The following CTBP2 variants were observed in gnomAD, a reference collection of about 807,000 sequenced individuals.
The protein encoded by CTBP2 is C-terminal-binding protein 2.
In CTBP2, 30 loss-of-function variants were observed where a neutral mutation model predicts 80.3. The observed-to-expected ratio is 0.37, with a 90% confidence interval of 0.28 to 0.51. The LOEUF is 0.51. Ranked by LOEUF, CTBP2 falls within the 20% of genes least tolerant of loss-of-function variation. CTBP2 has a pLI of 0.93. For missense variants in CTBP2, 1,212 were observed against 1,375.3 expected, an observed-to-expected ratio of 0.88 and a Z score of 1.88; for synonymous variants, 594 against 587.4, an observed-to-expected ratio of 1.01 and a Z score of -0.16.
chr10:125,090,456 T>TA (rs113744620), intron 2 of CTBP2, among the ~76,000 whole-genome samples: 10,684 of 134,484 alleles, frequency 0.079, 504 homozygotes, highest in Middle Eastern at 0.15. Flanking sequence ...AATGGTTATT[T>TA]AAAAAAAAAA....
At chr10:125,106,721 G>A (rs919467148) in intron 2 of CTBP2, among the ~76,000 whole-genome samples, 7 of 152,204 alleles carry the variant, frequency 4.6e-5, no homozygotes, top group African/African-American at 1.7e-4. Context: ...CACCCAGGCC[G>A]GCCACACAGT....
At chr10:125,144,648 G>A (rs1858427041) in intron 1 of CTBP2, among the ~76,000 whole-genome samples, 1 of 152,138 alleles carries the variant, frequency 6.6e-6, no homozygotes, top group Non-Finnish European at 1.5e-5. Context: ...AGGGCCTCGG[G>A]GGCGCTCCTG....
At chr10:124,990,639 G>A (rs1952484390) in intron 8 of CTBP2, among the ~76,000 whole-genome samples, 1 of 152,194 alleles carries the variant, frequency 6.6e-6, no homozygotes, top group South Asian at 2.1e-4. Flanking sequence ...TGGACCCTTA[G>A]GGACTCAATG....
intron 2 of CTBP2, among the ~76,000 whole-genome samples, chr10:125,077,478 C>T (rs1846446792): frequency 6.6e-6 from 1 of 152,134 alleles, no homozygotes; most frequent in Admixed American, 6.5e-5. Context: ...CCCCATCTGG[C>T]TCCAAACTCC....
rs186472986 is a variant in CTBP2 at position 125,066,519 on chromosome 10, C to A, written c.-101-27364G>T. On this transcript the variant is annotated intron_variant, in intron 2 of 10. Transcript: ENST00000337195. The surrounding 1 kb of genome is among the most constrained non-coding windows in gnomAD (Gnocchi z 4.1). ...GTGCTGTCATGTTTCGTACAGGAGC[C>A]TGCTGGGGGTAGCTCACGGGGACTG... Among the ~76,000 whole-genome samples the A allele has an allele frequency of 3.9e-5, 6 of 152,290 alleles. No individual in the cohort carries two copies. In the East Asian group the frequency reaches 1.2e-3, roughly 29 times the overall value.
chr10:125,033,941 C>T (rs528298837), intron 3 of CTBP2, among the ~76,000 whole-genome samples: 1 of 152,090 alleles, frequency 6.6e-6, no homozygotes, highest in African/African-American at 2.4e-5. Context: ...AGCTGAAAAC[C>T]GCAGCTGCAG....
At chr10:125,154,131 G>T (rs1476280199) in intron 1 of CTBP2, among the ~76,000 whole-genome samples, 1 of 152,238 alleles carries the variant, frequency 6.6e-6, no homozygotes, top group Non-Finnish European at 1.5e-5. Context: ...CATTTCTGCT[G>T]ATCAGAGGAG....
chr10:125,025,276 T>C (rs1395628001), intron 1 of CTBP2, among the ~76,000 whole-genome samples: 4 of 151,940 alleles, frequency 2.6e-5, no homozygotes, highest in African/African-American at 9.7e-5. Context: ...GACTCTAGAG[T>C]TAAAATAAAA....
chr10:125,065,398 A>G (rs1169883447), intron 2 of CTBP2, among the ~76,000 whole-genome samples: 1 of 152,226 alleles, frequency 6.6e-6, no homozygotes, highest in African/African-American at 2.4e-5. Context: ...ATGAGTCAAC[A>G]TTTTAATGCA....
In CTBP2 at chr10:124,990,246, C is replaced by T. The variant is rs1418499361; in HGVS notation, c.2778-548G>A. ...TTTTAGTAGAGACGGGGTTTCACCACGTTGGCCAGGATGGTCTCAATCTCC... is the reference window on the plus strand; with the variant it reads ...TTTTAGTAGAGACGGGGTTTCACCATGTTGGCCAGGATGGTCTCAATCTCC... On this transcript the variant is annotated intron_variant, in intron 8 of 8. Coordinates refer to ENST00000309035, the MANE Select transcript of CTBP2 (RefSeq NM_022802.3). Among the ~76,000 whole-genome samples the T allele has an allele frequency of 2.6e-5, 4 of 151,962 alleles. No individual in the cohort carries two copies. The East Asian group carries it at 7.7e-4, about 29-fold the overall frequency.
chr10:125,005,637 C>T (rs1955141039), intron 1 of CTBP2: 1 of 1,612,840 alleles, frequency 6.2e-7, no homozygotes, highest in African/African-American at 1.3e-5. Context: ...ACAGCACCGT[C>T]ACCTGACGAG....
intron 4 of CTBP2, among the ~76,000 whole-genome samples, chr10:124,995,572 CA>C (rs2044219305): frequency 6.6e-6 from 1 of 152,190 alleles, no homozygotes; most frequent in Non-Finnish European, 1.5e-5. Context: ...GCCTGTGTTC[CA>C]GGGGTACCTC....
chr10:125,048,517 C>T lies in CTBP2; in HGVS notation c.-101-9362G>A, dbSNP rs192300906. Among the ~76,000 whole-genome samples the T allele has an allele frequency of 9.7e-4, 148 of 152,302 alleles. 1 individual carries two copies. Among genetic ancestry groups the T allele is most frequent in the South Asian group, 6.8e-3 (33 of 4,826 alleles). On this transcript the variant is annotated intron_variant, in intron 2 of 10. Coordinates refer to the CTBP2 transcript ENST00000337195. ...ATATGCCAGGGGAAAGGGGATGCAG[C>T]GCCAGCGCCTACTTGTTTATCTCCC...
chr10:125,055,692 C>T (rs892196268), intron 2 of CTBP2, among the ~76,000 whole-genome samples: 10 of 152,116 alleles, frequency 6.6e-5, no homozygotes, highest in African/African-American at 2.4e-4. Flanking sequence ...AGAGCAGACA[C>T]AGAACATCTG....
At chr10:125,011,183 T>C (rs554282700) in intron 1 of CTBP2, among the ~76,000 whole-genome samples, 59 of 152,352 alleles carry the variant, frequency 3.9e-4, no homozygotes, top group Middle Eastern at 3.4e-3. Context: ...ATGTGCCCCA[T>C]GGGGAACCTA....
chr10:125,137,474 G>A (rs1353248162), intron 1 of CTBP2, among the ~76,000 whole-genome samples: 3 of 152,128 alleles, frequency 2.0e-5, no homozygotes, highest in Non-Finnish European at 4.4e-5. Context: ...CAACATCAAG[G>A]CACCGACTTT....
intron 1 of CTBP2, among the ~76,000 whole-genome samples, chr10:125,145,010 T>C (rs1226435455): frequency 2.0e-5 from 3 of 152,186 alleles, no homozygotes; most frequent in African/African-American, 2.4e-5. Flanking sequence ...CCTGGTAATG[T>C]TGGAGGGTGG....
At chr10:124,996,810 A>G (rs1412034814) in intron 4 of CTBP2, 1 of 152,226 alleles carries the variant, frequency 6.6e-6, no homozygotes, top group Non-Finnish European at 1.5e-5. Flanking sequence ...GGGCCCGGAC[A>G]GAGGGAGCCT....
chr10:125,094,528 G>A (rs1217453576), intron 2 of CTBP2, among the ~76,000 whole-genome samples: 1 of 152,202 alleles, frequency 6.6e-6, no homozygotes, highest in Non-Finnish European at 1.5e-5. Context: ...TGCCAAGCAC[G>A]GTATGGCTCA....
Sources: allele counts gnomAD v4.1 joint callset (sites outside exome capture counted in the v4.1 genomes callset), GRCh38; gene constraint gnomAD v4.1.1; non-coding constraint Gnocchi (gnomAD v3.1); transcripts MANE v1.5; gene names NCBI Gene and HGNC (gene_info 2026-07-23, HGNC 2026-07-21).